The following CAPS2 variants were observed in gnomAD, a reference collection of about 807,000 sequenced individuals.
The protein encoded by CAPS2 is calcyphosin-2.
A neutral mutation model predicts 86.5 loss-of-function variants in CAPS2; 98 were observed. The observed-to-expected ratio is 1.13, with a 90% confidence interval of 0.96 to 1.34. The LOEUF is 1.34. CAPS2 is among the 40% of genes most tolerant of loss of function. The probability of loss-of-function intolerance (pLI) is 0.00; values close to 1 mark genes in which losing one functional copy is unlikely to be tolerated. For synonymous variants in CAPS2, 210 were observed against 225.1 expected, an observed-to-expected ratio of 0.93 and a Z score of 0.60; for missense variants, 729 against 686.8, an observed-to-expected ratio of 1.06 and a Z score of -0.69.
At position 75,357,831 on chromosome 12, in the gene CAPS2, C is replaced by T. The variant is rs1264615205; in HGVS notation, c.-395+33007G>A. Among the ~76,000 whole-genome samples the T allele has an allele frequency of 3.3e-5, 5 of 151,318 alleles. No individual in the cohort carries two copies. The East Asian group carries it at 5.8e-4, about 18-fold the overall frequency. On this transcript the variant is annotated intron_variant, in intron 1 of 5. Coordinates refer to the CAPS2 transcript ENST00000551829. ...TGAATGAAATTAAAATAAGAACATA[C>T]GGGATGCTATTAAAACAGTAATTAT... is the stretch of plus-strand genomic sequence containing the variant.
At chr12:75,370,343 A>C (rs993910184) in intron 1 of CAPS2, 3 of 506,604 alleles carry the variant, frequency 5.9e-6, no homozygotes, top group African/African-American at 5.7e-5. Flanking sequence ...TAGTATGGAA[A>C]ATGGATAGCA....
chr12:75,356,781 C>T (rs1290369577), intron 1 of CAPS2, among the ~76,000 whole-genome samples: 1 of 152,106 alleles, frequency 6.6e-6, no homozygotes, highest in East Asian at 1.9e-4. Context: ...TGAAAACCAG[C>T]TTTATGCTGC....
intron 1 of CAPS2, among the ~76,000 whole-genome samples, chr12:75,338,079 G>C (rs975836202): frequency 7.2e-5 from 11 of 152,002 alleles, no homozygotes; most frequent in Non-Finnish European, 1.6e-4. Flanking sequence ...ATCTCTTTGT[G>C]AAACTGAAAG....
At chr12:75,315,217 C>T (rs1376885312) in intron 6 of CAPS2, among the ~76,000 whole-genome samples, 3 of 152,122 alleles carry the variant, frequency 2.0e-5, no homozygotes, top group East Asian at 1.9e-4. Flanking sequence ...ATCCAGATTG[C>T]TTTGAATTAC....
chr12:75,323,162 C>CTAAA lies in CAPS2; in HGVS notation c.177+11_177+14dup. 1 of 1,519,498 alleles carries CTAAA rather than the reference C, an allele frequency of 6.6e-7. No homozygotes were observed. Among genetic ancestry groups the CTAAA allele is most frequent in the South Asian group, 1.2e-5 (1 of 82,162 alleles). 94.1% of individuals were successfully genotyped at this position (1,519,498 alleles called of 1,614,324 possible). A position where few individuals can be genotyped will look rare whatever the true frequency, so the allele number is the denominator to read the frequency against. On this transcript the variant is annotated intron_variant, in intron 3 of 16. Coordinates refer to ENST00000393284, the Ensembl canonical transcript of CAPS2. ...GTTTTAATGTTTATTATATTAAATA[C>CTAAA]TAAATAAAAATTACCTCATCATCAG...
chr12:75,347,818 G>A, intron 1 of CAPS2: 1 of 599,112 alleles, frequency 1.7e-6, no homozygotes, highest in Non-Finnish European at 2.9e-6. Flanking sequence ...GTGTATTTTT[G>A]ATAAGTAATG....
chr12:75,348,463 A>G (rs1001091777), intron 1 of CAPS2, among the ~76,000 whole-genome samples: 1 of 152,232 alleles, frequency 6.6e-6, no homozygotes, highest in African/African-American at 2.4e-5. Flanking sequence ...TGAAAAATAC[A>G]AATTTTTATA....
intron 1 of CAPS2, among the ~76,000 whole-genome samples, chr12:75,359,121 A>C (rs942118822): frequency 3.3e-5 from 5 of 150,494 alleles, no homozygotes; most frequent in African/African-American, 9.7e-5. Flanking sequence ...TAGGATACAA[A>C]ATTAGTATAC....
At chr12:75,302,255 A>G (rs1439433533) in intron 8 of CAPS2, among the ~76,000 whole-genome samples, 5 of 152,220 alleles carry the variant, frequency 3.3e-5, no homozygotes, top group Non-Finnish European at 7.3e-5. Context: ...TCATGGACCT[A>G]GATTAGCTTT....
chr12:75,283,013 T>A (rs2034258700), intron 15 of CAPS2, among the ~76,000 whole-genome samples: 1 of 152,124 alleles, frequency 6.6e-6, no homozygotes, highest in African/African-American at 2.4e-5. Context: ...ATGAAACGCA[T>A]AAATGGCCAA....
chr12:75,383,294 A>AGGT (rs988637951), intron 1 of CAPS2, among the ~76,000 whole-genome samples: 3 of 152,200 alleles, frequency 2.0e-5, no homozygotes, highest in African/African-American at 7.2e-5. Flanking sequence ...ACCAAATGAG[A>AGGT]TGCTTTTGTG....
At chr12:75,381,563 T>C (rs1022720919) in intron 1 of CAPS2, among the ~76,000 whole-genome samples, 5 of 150,730 alleles carry the variant, frequency 3.3e-5, no homozygotes, top group Non-Finnish European at 7.4e-5. Flanking sequence ...TACCTGTTCA[T>C]TTTCTTCCTC....
intron 8 of CAPS2, among the ~76,000 whole-genome samples, chr12:75,302,509 G>C (rs2138606363): frequency 6.6e-6 from 1 of 152,204 alleles, no homozygotes; most frequent in East Asian, 1.9e-4. Flanking sequence ...AATATACAAA[G>C]GACATTAACA....
intron 1 of CAPS2, among the ~76,000 whole-genome samples, chr12:75,375,753 G>C (rs547238160): frequency 1.5e-4 from 23 of 152,310 alleles, no homozygotes; most frequent in Admixed American, 7.2e-4. Flanking sequence ...GTCTACATGA[G>C]TCATACTATT....
At chr12:75,369,790 G>C (rs112255840) in intron 1 of CAPS2, 1 of 982,856 alleles carries the variant, frequency 1.0e-6, no homozygotes, top group Non-Finnish European at 1.2e-6. Flanking sequence ...AGGAAGCATC[G>C]TAAAGAGTTT....
chr12:75,305,494 GC>G (rs1239945561), intron 7 of CAPS2: 17 of 591,356 alleles, frequency 2.9e-5, no homozygotes, highest in Admixed American at 1.6e-4. Context: ...TGCAGCCGAG[GC>G]CTCCAGCTCC....
chr12:75,293,347 CA>C lies in CAPS2; in HGVS notation c.1064del (p.Leu355Ter). 6.2e-7 allele frequency: 1 copy of C among 1,610,472 alleles called. No homozygotes were observed. The highest frequency in any genetic ancestry group is 8.5e-7 in the Non-Finnish European group (1 of 1,178,384). On this transcript the variant is annotated frameshift_variant, in exon 12 of 17. Coordinates refer to ENST00000393284, the Ensembl canonical transcript of CAPS2. LOFTEE classifies it high-confidence loss of function. ...CTGGAAGGCTGAGATGATCAGAACT[CA>C]AAAATGTCAAGGTTGCACCCTAAAC... is the stretch of plus-strand genomic sequence containing the variant.
exon 10 of CAPS2, chr12:75,298,942 C>G: frequency 6.2e-7 from 1 of 1,606,092 alleles, no homozygotes; most frequent in Non-Finnish European, 8.5e-7. Context: ...ACCCAATGAG[C>G]TCTCTGCAAG....
intron 1 of CAPS2, among the ~76,000 whole-genome samples, chr12:75,386,096 T>C (rs2045276272): frequency 6.6e-6 from 1 of 152,218 alleles, no homozygotes; most frequent in Non-Finnish European, 1.5e-5. Context: ...ATTTGATCTA[T>C]TGATTTAATG....
Sources: gnomAD v4.1 joint callset for allele counts (sites outside exome capture counted in the v4.1 genomes callset) on GRCh38, gnomAD v4.1.1 for gene constraint, MANE v1.5 for transcripts, NCBI Gene and HGNC (gene_info 2026-07-23, HGNC 2026-07-21) for gene names.